LRRK2: variants seen among roughly 807,000 people sequenced by gnomAD.
The protein encoded by LRRK2 is leucine rich repeat kinase 2, also known as leucine-rich repeat serine/threonine-protein kinase 2.
Under a neutral mutation model 302.6 loss-of-function variants are expected in LRRK2, and 203 were observed. The observed-to-expected ratio is 0.67, with a 90% confidence interval of 0.60 to 0.75. The LOEUF (loss-of-function observed/expected upper bound fraction) is 0.75. LRRK2 is among the 30% of genes least tolerant of loss of function. The pLI, the probability that LRRK2 is intolerant of heterozygous loss-of-function variation, is 0.00. For missense variants in LRRK2, 2,830 were observed against 2,951.0 expected (o/e 0.96, Z 0.95); for synonymous variants, 1,066 against 1,031.9 (o/e 1.03, Z -0.63).
chr12:40,310,655 A>T lies in LRRK2; in HGVS notation c.4536+6A>T, dbSNP rs199973559. Reference sequence around the variant, plus strand: ...ACGAGAGCCTTAATTTCAAGGTAACATGGTAGGCTGGTAGAGAAATGTAAT... The same window carrying T: ...ACGAGAGCCTTAATTTCAAGGTAACTTGGTAGGCTGGTAGAGAAATGTAAT... On this transcript the variant is annotated splice_donor_region_variant and intron_variant, in intron 31 of 50. Transcript: ENST00000298910. 1.1e-5 allele frequency: 18 copies of T among 1,612,512 alleles called. No individual in the cohort carries two copies. The South Asian group carries it at 1.6e-4, about 15-fold the overall frequency.
At chr12:40,263,762 T>C in intron 13 of LRRK2, 27 bp from the exon 14 acceptor site, 2 of 1,502,634 alleles carry the variant, frequency 1.3e-6, no homozygotes, top group African/African-American at 1.4e-5. Context: ...GAAAATTCTT[T>C]CTTTATTTAT....
At chr12:40,329,663 T>C (rs1158892114) in intron 39 of LRRK2, among the ~76,000 whole-genome samples, 1 of 152,152 alleles carries the variant, frequency 6.6e-6, no homozygotes, top group Non-Finnish European at 1.5e-5. Flanking sequence ...AAATGGATTC[T>C]CTATTGTTAT....
rs33995463 is a variant in LRRK2 at position 40,235,634 on chromosome 12, T to C, written c.356T>C (p.Leu119Pro). 2,922 of 1,602,432 alleles carry C rather than the reference T, an allele frequency of 1.8e-3. 4 individuals carry two copies. The highest frequency in any genetic ancestry group is 2.3e-3 in the Non-Finnish European group (2,670 of 1,169,414). ...TCTGTTTTTAACTCCAGATTGATTC[T>C]TAAAATGCTAACAGTTCATAATGCC... Reference protein sequence around the residue: ...WEVLGVHQLILKMLTVHNASV... With the variant: ...WEVLGVHQLIPKMLTVHNASV... The change falls in exon 4 of 51, where the codon CTT becomes CCT. Residue 119 changes from leucine to proline, a missense_variant. Physicochemically the swap from Leu to Pro is moderately conservative, Grantham distance 98 (BLOSUM62 -3). This residue lies in a region of LRRK2 where 2,121 missense variants were observed against 2,148.0 expected (regional missense o/e 0.99). Transcript: ENST00000298910.
chr12:40,300,199 A>G (rs2136756802), intron 25 of LRRK2, among the ~76,000 whole-genome samples: 1 of 152,340 alleles, frequency 6.6e-6, no homozygotes, highest in African/African-American at 2.4e-5. Context: ...ATGTATATTC[A>G]TTCAGCTCTT....
chr12:40,253,623 C>T (rs868213063), intron 11 of LRRK2, among the ~76,000 whole-genome samples: 1 of 152,234 alleles, frequency 6.6e-6, no homozygotes, highest in Middle Eastern at 3.2e-3. Flanking sequence ...AGCAATCCAT[C>T]TGCCTTGGCC....
intron 40 of LRRK2, among the ~76,000 whole-genome samples, chr12:40,337,595 A>T (rs1358902958): frequency 6.6e-6 from 1 of 152,102 alleles, no homozygotes; most frequent in East Asian, 1.9e-4. Context: ...ACTCTATTTT[A>T]CATTATCTTT....
At chr12:40,360,439 T>C (rs1592343647) in intron 47 of LRRK2, among the ~76,000 whole-genome samples, 1 of 152,088 alleles carries the variant, frequency 6.6e-6, no homozygotes, top group East Asian at 1.9e-4. Flanking sequence ...CCCTCCTAAT[T>C]GTCATTTGAA....
chr12:40,331,284 G>T (rs1040537359), intron 39 of LRRK2, among the ~76,000 whole-genome samples: 5 of 152,164 alleles, frequency 3.3e-5, no homozygotes, highest in Middle Eastern at 3.2e-3. Flanking sequence ...GAACAAGAAG[G>T]TTAGACCATA....
In LRRK2 at chr12:40,355,632, T is replaced by C. The variant is rs184539012; in HGVS notation, c.6771-483T>C. Among the ~76,000 whole-genome samples the C allele has an allele frequency of 4.1e-4, 62 of 150,634 alleles. 1 individual carries two copies. In the East Asian group the frequency reaches 0.011, roughly 27 times the overall value. Reference sequence around the variant, plus strand: ...ATCTTGGCTCACTGCAACTTCCACCTCCTAAGTTCAAGCGATTCTCTAGCC... The same window carrying C: ...ATCTTGGCTCACTGCAACTTCCACCCCCTAAGTTCAAGCGATTCTCTAGCC... On this transcript the variant is annotated intron_variant, in intron 45 of 50. Transcript: ENST00000298910.
At chr12:40,232,639 G>C in intron 3 of LRRK2, 1 of 282,980 alleles carries the variant, frequency 3.5e-6, no homozygotes, top group South Asian at 8.2e-5. Context: ...TTATAAAACT[G>C]GTTAAGTTGT....
At chr12:40,345,600 G>C (rs1212758064) in intron 41 of LRRK2, among the ~76,000 whole-genome samples, 2 of 110,582 alleles carry the variant, frequency 1.8e-5, no homozygotes, top group African/African-American at 6.9e-5. Context: ...TCCAGCCTGG[G>C]CAAGAGAGTG....
intron 1 of LRRK2, 36 bp downstream of exon 1, chr12:40,225,318 G>T (rs1252126982): frequency 6.2e-7 from 1 of 1,610,022 alleles, no homozygotes; most frequent in East Asian, 2.2e-5. Flanking sequence ...TTTTATTTTT[G>T]CAAACTTTCT....
intron 43 of LRRK2, among the ~76,000 whole-genome samples, 164 bp downstream of exon 43, chr12:40,348,673 A>G (rs1224300374): frequency 1.3e-5 from 2 of 152,166 alleles, no homozygotes; most frequent in Admixed American, 1.3e-4. Flanking sequence ...CCAGGCACAA[A>G]AAAAGGACAT....
At chr12:40,267,873 A>G (rs1190877294) in intron 14 of LRRK2, among the ~76,000 whole-genome samples, 1 of 152,164 alleles carries the variant, frequency 6.6e-6, no homozygotes, top group African/African-American at 2.4e-5. Flanking sequence ...GCATCAGAGG[A>G]TTTAGGTCCA....
At chr12:40,295,723 G>T in intron 23 of LRRK2, 79 bp downstream of exon 23, 1 of 1,362,802 alleles carries the variant, frequency 7.3e-7, no homozygotes, top group South Asian at 1.2e-5. Flanking sequence ...TAATTAAGTC[G>T]TTTAAAAGAA....
intron 5 of LRRK2, among the ~76,000 whole-genome samples, chr12:40,238,776 C>T (rs1172376566): frequency 6.6e-6 from 1 of 152,068 alleles, no homozygotes; most frequent in Non-Finnish European, 1.5e-5. Context: ...TTATGTGGGC[C>T]CTGTGTCAGT....
Position 40,225,453 on chromosome 12 carries a change from G to T in LRRK2, c.152-102G>T. On this transcript the variant is annotated intron_variant, in intron 1 of 50. Transcript: ENST00000298910. Reference sequence around the variant, plus strand: ...AGAAAGCAGCTGAGAATTTCAGGAAGGTCTTCACCTTTTTGACTTTTCTCC... The same window carrying T: ...AGAAAGCAGCTGAGAATTTCAGGAATGTCTTCACCTTTTTGACTTTTCTCC... 2.4e-6 allele frequency: 3 copies of T among 1,273,622 alleles called. No homozygotes were observed. The South Asian group carries it at 3.7e-5, about 16-fold the overall frequency. The allele number at this position is 1,273,622 out of a possible 1,614,324, so 78.9% of individuals were successfully genotyped here. A position where few individuals can be genotyped will look rare whatever the true frequency, so the allele number is the denominator to read the frequency against.
Position 40,346,898 on chromosome 12 carries a change from A to G in LRRK2, c.6255A>G (p.Glu2085=), listed in dbSNP as rs373378281. ...TGAAGTTTCCAAATGAGTTTGATGA[A>G]TTAGAAATACAAGGAAAATTACCTG... The part of the protein sequence containing the change: ...EGLKFPNEFD[E]LEIQGKLPDP... Residue 2085 remains glutamate, a synonymous_variant, in exon 42 of 51, where the codon GAA becomes GAG. Coordinates refer to ENST00000298910, the MANE Select transcript of LRRK2 (RefSeq NM_198578.4). The G allele has an allele frequency of 2.0e-5, 33 of 1,611,982 alleles. No homozygotes were observed. The highest frequency in any genetic ancestry group is 2.7e-5 in the Non-Finnish European group (32 of 1,179,472).
At chr12:40,290,797 C>A (rs997513524) in intron 20 of LRRK2, among the ~76,000 whole-genome samples, 1 of 151,876 alleles carries the variant, frequency 6.6e-6, no homozygotes, top group African/African-American at 2.4e-5. Flanking sequence ...TACTTTCTCA[C>A]GGACTTTTGT....
Sources: gnomAD v4.1 joint callset for allele counts (sites outside exome capture counted in the v4.1 genomes callset) on GRCh38, gnomAD v4.1.1 for gene constraint, gnomAD v4.1.1 regional missense constraint, MANE v1.5 for transcripts, NCBI Gene and HGNC (gene_info 2026-07-23, HGNC 2026-07-21) for gene names.